Variants in CANX observed in about 807,000 individuals in gnomAD.
CANX encodes the protein calnexin.
In CANX, 14 loss-of-function variants were observed where a neutral mutation model predicts 75.7. The observed-to-expected ratio is 0.19, with a 90% CI of 0.12 to 0.29. The LOEUF (loss-of-function observed/expected upper bound fraction) is 0.29. Among genes scored for constraint, CANX ranks in the 10% least tolerant of loss-of-function variants. The pLI is 1.00. For synonymous variants in CANX, 227 were observed against 236.9 expected (o/e 0.96, Z 0.38); for missense variants, 567 against 713.2 (o/e 0.79, Z 2.34).
At position 179,678,700 on chromosome 5, in the gene CANX, G is replaced by C. The variant is rs114542354; in HGVS notation, c.-81G>C. On this transcript the variant is annotated 5_prime_UTR_variant, in exon 1 of 15. Transcript: ENST00000681674. The stretch of plus-strand genomic sequence containing the variant: ...CAGCCGTCGGGATCACCTCGGGGTT[G>C]CGCTGCTTCTCCAGCAAGTGCATGC... The C allele has an allele frequency of 1.0e-3, 1,576 of 1,536,908 alleles. 17 individuals carry two copies. The African/African-American group carries it at 0.02, about 19-fold the overall frequency.
At chr5:179,723,478 A>C in intron 11 of CANX, 182 bp from the exon 12 acceptor site, 1 of 574,578 alleles carries the variant, frequency 1.7e-6, no homozygotes, top group Non-Finnish European at 2.9e-6. Flanking sequence ...AATCATCTTG[A>C]TTATAAGGAG....
chr5:179,725,629 C>T (rs999492402), intron 13 of CANX, among the ~76,000 whole-genome samples: 4 of 141,388 alleles, frequency 2.8e-5, no homozygotes, highest in Admixed American at 2.2e-4. Flanking sequence ...TACAGTGAGC[C>T]GAGATTGGGC....
In CANX at chr5:179,715,474, G is replaced by A. The variant is rs573849402; in HGVS notation, c.722-631G>A. ...AATCGCTTGAACCTGGGAGGCGGGC[G>A]TTGCAGTTAGCCGAGATCACACCAC... On this transcript the variant is annotated intron_variant, in intron 7 of 14. Transcript: ENST00000247461. Among the ~76,000 whole-genome samples the A allele has an allele frequency of 1.2e-3, 189 of 151,614 alleles. 1 individual carries two copies. The highest frequency in any genetic ancestry group is 7.5e-4 in the Non-Finnish European group (51 of 67,846).
intron 1 of CANX, among the ~76,000 whole-genome samples, chr5:179,701,175 A>G (rs1776730803): frequency 6.6e-6 from 1 of 152,074 alleles, no homozygotes; most frequent in Non-Finnish European, 1.5e-5. Context: ...CCAGTGTGGT[A>G]GCTTTTGTCC....
chr5:179,701,522 A>G (rs988379903), intron 1 of CANX, among the ~76,000 whole-genome samples: 2 of 151,370 alleles, frequency 1.3e-5, no homozygotes, highest in African/African-American at 4.8e-5. Flanking sequence ...GTGAGCGGAG[A>G]TGGTTCCATT....
At chr5:179,722,128 G>C (rs1362047104) in intron 10 of CANX, among the ~76,000 whole-genome samples, 1 of 152,154 alleles carries the variant, frequency 6.6e-6, no homozygotes, top group Non-Finnish European at 1.5e-5. Flanking sequence ...TCAGCCATTC[G>C]AGACCAGCCT....
chr5:179,687,947 G>A (rs1294354341), intron 1 of CANX, among the ~76,000 whole-genome samples: 1 of 151,768 alleles, frequency 6.6e-6, no homozygotes, highest in African/African-American at 2.4e-5. Context: ...AAGCAGAAGA[G>A]TCACTTAAAC....
intron 3 of CANX, among the ~76,000 whole-genome samples, chr5:179,706,930 A>G (rs1424627962): frequency 6.6e-6 from 1 of 152,170 alleles, no homozygotes; most frequent in Non-Finnish European, 1.5e-5. Flanking sequence ...GAATTATCTC[A>G]TAGGTTTGGT....
In CANX at chr5:179,723,504, G is replaced by C. The variant is rs1022780754; in HGVS notation, c.1399-156G>C. On this transcript the variant is annotated intron_variant, in intron 11 of 14. Coordinates refer to ENST00000247461, the MANE Select transcript of CANX (RefSeq NM_001746.4). ...TTATAAGGAGAGCAAGAGGATGGAG[G>C]CTTTCTCTAATTTCTTTTTTACATT... 221 of 700,446 alleles carry C rather than the reference G, an allele frequency of 3.2e-4. 3 individuals carry two copies. Among genetic ancestry groups the C allele is most frequent in the Non-Finnish European group, 9.1e-5 (39 of 430,428 alleles). 43.4% of individuals were successfully genotyped at this position (700,446 alleles called of 1,614,324 possible). A position where few individuals can be genotyped will look rare whatever the true frequency, so the allele number is the denominator to read the frequency against.
At chr5:179,726,940 CATATTA>C (rs1305071897) in intron 14 of CANX, among the ~76,000 whole-genome samples, 181 bp downstream of exon 14, 1 of 152,194 alleles carries the variant, frequency 6.6e-6, no homozygotes, top group South Asian at 2.1e-4. Context: ...TTTTAAGCTA[CATATTA>C]ATCTCAGAAG....
intron 1 of CANX, among the ~76,000 whole-genome samples, chr5:179,680,482 A>C (rs2127761188): frequency 6.6e-6 from 1 of 152,258 alleles, no homozygotes; most frequent in East Asian, 1.9e-4. Flanking sequence ...CTTGGAAGAC[A>C]GATGCGTGTA....
At chr5:179,703,742 A>G (rs1331843853) in intron 1 of CANX, among the ~76,000 whole-genome samples, 2 of 151,870 alleles carry the variant, frequency 1.3e-5, no homozygotes, top group Admixed American at 1.3e-4. Context: ...CTGGGGGAAT[A>G]GCATGTAGAG....
At chr5:179,700,188 G>A (rs972350813) in intron 1 of CANX, 1 of 152,142 alleles carries the variant, frequency 6.6e-6, no homozygotes, top group African/African-American at 2.4e-5. Flanking sequence ...TTACCGCTGG[G>A]CATGACACAA....
upstream of CANX, chr5:179,698,793 C>A: frequency 4.5e-6 from 3 of 670,296 alleles, no homozygotes; most frequent in South Asian, 3.4e-5. Context: ...CTTCACACTC[C>A]ACGAAGAATA....
rs192152064 is a variant in CANX at position 179,723,577 on chromosome 5, A to G, written c.1399-83A>G. On this transcript the variant is annotated intron_variant, in intron 11 of 14. Transcript: ENST00000247461. ...AGAAGGTCCTGCGTAGTGCCATGCC[A>G]TAACTGAACTGCAGAAAAACAGCAC... The G allele has an allele frequency of 4.6e-3, 6,605 of 1,448,196 alleles. 74 individuals are homozygous for G. The highest frequency in any genetic ancestry group is 0.039 in the Admixed American group (1,928 of 48,868). The allele number at this position is 1,448,196 out of a possible 1,614,324, so 89.7% of individuals were successfully genotyped here. A position where few individuals can be genotyped will look rare whatever the true frequency, so the allele number is the denominator to read the frequency against.
At position 179,728,596 on chromosome 5, in the gene CANX, T is replaced by C; in HGVS notation, c.1731T>C (p.Asp577=). The change falls in exon 15 of 15, where the codon GAT becomes GAC. Residue 577 remains aspartate (D), a synonymous_variant. Coordinates refer to ENST00000247461, the MANE Select transcript of CANX (RefSeq NM_001746.4). ...EEDRKPKAEE[D]EILNRSPRNR... is the part of the protein sequence containing the mutation. ...AATTTCTTTTCAATCAATAGGAGGATGAAATTTTGAACAGATCACCAAGAA... is the reference window on the plus strand; with the variant it reads ...AATTTCTTTTCAATCAATAGGAGGACGAAATTTTGAACAGATCACCAAGAA... The C allele has an allele frequency of 6.3e-7, 1 of 1,585,330 alleles. No individual in the cohort carries two copies. The highest frequency in any genetic ancestry group is 8.7e-7 in the Non-Finnish European group (1 of 1,154,002).
chr5:179,724,267 GAA>G lies in CANX; in HGVS notation c.1519-388_1519-387del, dbSNP rs1414169410. ...TTTTTTGCATGCTATCATAAAAAAA[GAA>G]AGTCTTATTTTGGACTCTACTTCTG... On this transcript the variant is annotated intron_variant, in intron 12 of 14. Coordinates refer to ENST00000247461, the MANE Select transcript of CANX (RefSeq NM_001746.4). Among the ~76,000 whole-genome samples, 6 of 150,890 alleles carry G rather than the reference GAA, an allele frequency of 4.0e-5. No individual in the cohort carries two copies. In the East Asian group the frequency reaches 1.2e-3, roughly 29 times the overall value.
At chr5:179,708,078 C>G (rs1031236016) in intron 4 of CANX, among the ~76,000 whole-genome samples, 161 bp from the exon 5 acceptor site, 1 of 152,076 alleles carries the variant, frequency 6.6e-6, no homozygotes, top group African/African-American at 2.4e-5. Context: ...CTTGAGTGAT[C>G]CGCCTGCCCT....
chr5:179,699,240 C>G, intron 1 of CANX, 138 bp downstream of exon 1: 1 of 434,646 alleles, frequency 2.3e-6, no homozygotes, highest in Non-Finnish European at 3.1e-6. Context: ...CCCTGGCCGA[C>G]GCGCCCGCCG....
Sources: gnomAD v4.1 joint callset for allele counts (sites outside exome capture counted in the v4.1 genomes callset) on GRCh38, gnomAD v4.1.1 for gene constraint, MANE v1.5 for transcripts, NCBI Gene and HGNC (gene_info 2026-07-23, HGNC 2026-07-21) for gene names.